Variants in SGCD observed in about 807,000 individuals in gnomAD.
SGCD encodes sarcoglycan delta.
SGCD carries 18 observed loss-of-function variants against 36.6 expected under a neutral mutation model. The ratio of observed to expected loss-of-function variants is 0.49; its 90% CI spans 0.34 to 0.73. SGCD has a LOEUF of 0.73. Ranked by LOEUF, SGCD falls within the 30% of genes least tolerant of loss-of-function variation. SGCD has a pLI of 0.01. For synonymous variants in SGCD, 133 were observed against 130.6 expected (o/e 1.02, Z -0.12); for missense variants, 387 against 346.7 (o/e 1.12, Z -0.92).
At chr5:155,977,814 G>A (rs1275733450) in intron 1 of SGCD, among the ~76,000 whole-genome samples, 2 of 152,156 alleles carry the variant, frequency 1.3e-5, no homozygotes, top group Non-Finnish European at 2.9e-5. Context: ...GGTCAGAATG[G>A]GCCGGGCGCA....
At chr5:156,705,882 C>T (rs1307933356) in intron 7 of SGCD, among the ~76,000 whole-genome samples, 1 of 152,164 alleles carries the variant, frequency 6.6e-6, no homozygotes, top group Non-Finnish European at 1.5e-5. Context: ...ATGTGACTTA[C>T]ATCTTGTCCT....
At chr5:156,743,362 T>C (rs909713462) in intron 7 of SGCD, among the ~76,000 whole-genome samples, 4 of 152,230 alleles carry the variant, frequency 2.6e-5, no homozygotes, top group Non-Finnish European at 5.9e-5. Context: ...TCAACCTGCC[T>C]TGGCCTCCCA....
intron 1 of SGCD, among the ~76,000 whole-genome samples, chr5:155,977,606 T>G (rs2127561373): frequency 6.6e-6 from 1 of 152,316 alleles, no homozygotes; most frequent in South Asian, 2.1e-4. Context: ...CCTCCATGTG[T>G]TTCTTACCTA....
Position 156,164,380 on chromosome 5 carries a change from T to C in SGCD, c.-44+40361T>C, listed in dbSNP as rs560647523. 8.1e-4 allele frequency among the ~76,000 whole-genome samples: 123 copies of C among 152,302 alleles called. 6 individuals carry two copies. The highest frequency in any genetic ancestry group is 2.6e-3 in the African/African-American group (109 of 41,552). On this transcript the variant is annotated intron_variant, in intron 3 of 9. Transcript: ENST00000517913. ...GGATTTTTAATCCACAGAATGTGAA[T>C]GCCTTTTTTTTCCCCTTTCTTTTCT...
At chr5:156,117,069 G>A (rs1324491666) in intron 1 of SGCD, among the ~76,000 whole-genome samples, 1 of 151,958 alleles carries the variant, frequency 6.6e-6, no homozygotes, top group Non-Finnish European at 1.5e-5. Flanking sequence ...ACATCAGTCA[G>A]TGGAGGGTAT....
intron 3 of SGCD, among the ~76,000 whole-genome samples, chr5:156,204,410 A>T (rs249887): frequency 0.24 from 36,360 of 151,696 alleles, 5,295 homozygotes; most frequent in Non-Finnish European, 0.32. Flanking sequence ...GGTGATACAA[A>T]TATATATATA....
chr5:155,764,383 T>C, the SGCD span, among the ~76,000 whole-genome samples: 1 of 152,156 alleles, frequency 6.6e-6, no homozygotes, highest in African/African-American at 2.4e-5. Flanking sequence ...ATTCTGCAGG[T>C]CAACTGTGGC....
At chr5:156,757,298 T>G (rs1025690104) in intron 7 of SGCD, among the ~76,000 whole-genome samples, 5 of 135,884 alleles carry the variant, frequency 3.7e-5, no homozygotes, top group African/African-American at 1.4e-4. Context: ...AAAGCTTATA[T>G]GAGTTTGATT....
intron 2 of SGCD, among the ~76,000 whole-genome samples, chr5:156,337,656 G>A (rs10039835): frequency 0.15 from 22,093 of 151,950 alleles, 2,070 homozygotes; most frequent in African/African-American, 0.27. Flanking sequence ...GTACCTCTTC[G>A]TTCTTCCTAG....
intron 1 of SGCD, among the ~76,000 whole-genome samples, chr5:156,067,970 CT>C (rs1190479812): frequency 0.012 from 1,434 of 122,996 alleles, 53 homozygotes; most frequent in Non-Finnish European, 0.014. Context: ...CTCCCCCCCA[CT>C]TTTTTTTTTT....
At chr5:156,501,774 G>A (rs1004150209) in intron 3 of SGCD, among the ~76,000 whole-genome samples, 3 of 152,158 alleles carry the variant, frequency 2.0e-5, no homozygotes, top group African/African-American at 4.8e-5. Flanking sequence ...GTGATCCTGC[G>A]ATGAGCAGGG....
chr5:156,696,483 A>G (rs1313315077), intron 7 of SGCD, among the ~76,000 whole-genome samples: 2 of 152,178 alleles, frequency 1.3e-5, no homozygotes, highest in Non-Finnish European at 1.5e-5. Flanking sequence ...ACAGAAAACA[A>G]AATCTTCTCT....
At chr5:156,360,215 G>A (rs989939957) in intron 3 of SGCD, among the ~76,000 whole-genome samples, 18 of 151,014 alleles carry the variant, frequency 1.2e-4, no homozygotes, top group Non-Finnish European at 1.8e-4. Flanking sequence ...CCTACCCTTC[G>A]CCTATTTTAC....
rs1756553327 is a variant in SGCD at position 155,907,923 on chromosome 5, TGAAA to T, written c.-282+37506_-282+37509del. 2.6e-5 allele frequency among the ~76,000 whole-genome samples: 4 copies of T among 152,226 alleles called. No homozygotes were observed. The South Asian group carries it at 6.2e-4, about 24-fold the overall frequency. On this transcript the variant is annotated intron_variant, in intron 1 of 9. Coordinates refer to the SGCD transcript ENST00000517913. ...TAGCATGCTACAGAGAAATCTTTTG[TGAAA>T]GAAAGAGTCAACCAAGGCTGCCAAC...
the SGCD span, among the ~76,000 whole-genome samples, chr5:155,816,101 T>G: frequency 6.6e-6 from 1 of 152,154 alleles, no homozygotes; most frequent in Non-Finnish European, 1.5e-5. Context: ...AATTTGAAAT[T>G]TGTTCAGAAG....
chr5:156,458,736 G>A (rs768609579), intron 3 of SGCD, among the ~76,000 whole-genome samples: 4 of 152,132 alleles, frequency 2.6e-5, no homozygotes, highest in Non-Finnish European at 4.4e-5. Context: ...CCAACATCAC[G>A]ATCATCCACC....
At chr5:156,025,710 C>A (rs1032514797) in intron 1 of SGCD, among the ~76,000 whole-genome samples, 1 of 152,080 alleles carries the variant, frequency 6.6e-6, no homozygotes, top group Admixed American at 6.6e-5. Context: ...TTTTGTTAAC[C>A]TTTATTATAA....
At chr5:156,372,563 A>G (rs1037398016) in intron 3 of SGCD, among the ~76,000 whole-genome samples, 3 of 152,162 alleles carry the variant, frequency 2.0e-5, no homozygotes, top group African/African-American at 4.8e-5. Flanking sequence ...ATCACACTTA[A>G]CATTTACTTG....
At chr5:156,455,935 G>A (rs1030231800) in intron 3 of SGCD, among the ~76,000 whole-genome samples, 4 of 152,128 alleles carry the variant, frequency 2.6e-5, no homozygotes, top group African/African-American at 7.2e-5. Context: ...GCTATAGGCC[G>A]GGAATGCCAA....
Sources: gnomAD v4.1 joint callset for allele counts (sites outside exome capture counted in the v4.1 genomes callset) on GRCh38, gnomAD v4.1.1 for gene constraint, MANE v1.5 for transcripts, NCBI Gene and HGNC (gene_info 2026-07-23, HGNC 2026-07-21) for gene names.